The following NCOR2 variants were observed in gnomAD, a reference collection of about 807,000 sequenced individuals.
The protein encoded by NCOR2 is nuclear receptor corepressor 2, also known as CTG repeat protein 26.
A neutral mutation model predicts 262.9 loss-of-function variants in NCOR2; 81 were observed. The observed-to-expected ratio is 0.31, with a 90% confidence interval of 0.26 to 0.37. The LOEUF is 0.37. Among genes scored for constraint, NCOR2 ranks in the 10% least tolerant of loss-of-function variants. NCOR2 has a pLI of 1.00. For missense variants in NCOR2, 3,385 were observed against 3,621.4 expected, an observed-to-expected ratio of 0.93 and a Z score of 1.68; for synonymous variants, 1,659 against 1,559.3, an observed-to-expected ratio of 1.06 and a Z score of -1.51.
At position 124,428,044 on chromosome 12, in the gene NCOR2, A is replaced by T. The variant is rs868158144; in HGVS notation, c.1150-1244T>A. Among the ~76,000 whole-genome samples the T allele has an allele frequency of 4.2e-3, 469 of 112,492 alleles. 4 individuals carry two copies. Among genetic ancestry groups the T allele is most frequent in the Middle Eastern group, 9.3e-3 (2 of 216 alleles). 73.8% of individuals were successfully genotyped at this position (112,492 alleles called of 152,430 possible). A position where few individuals can be genotyped will look rare whatever the true frequency, so the allele number is the denominator to read the frequency against. The stretch of plus-strand genomic sequence containing the variant: ...CTGATGACTGCATTCCCATGTGGCC[A>T]GTGTGTGTGTGTGTGTGTGTGTGTG... On this transcript the variant is annotated intron_variant, in intron 10 of 46. Transcript: ENST00000405201.
intron 8 of NCOR2, 46 bp from the exon 11 acceptor site, chr12:124,430,833 C>T (rs755494267): frequency 3.2e-6 from 5 of 1,548,880 alleles, no homozygotes; most frequent in East Asian, 2.3e-5. Flanking sequence ...CTGCACCTGG[C>T]ACCCGCCGCC....
intron 25 of NCOR2, 43 bp downstream of exon 27, chr12:124,354,794 A>G (rs773215792): frequency 1.3e-6 from 2 of 1,577,344 alleles, no homozygotes; most frequent in South Asian, 1.1e-5. Flanking sequence ...GGACAGCCAG[A>G]GCCCAGCCTG....
intron 13 of NCOR2, among the ~76,000 whole-genome samples, chr12:124,404,979 C>T (rs543637782): frequency 1.5e-4 from 23 of 152,352 alleles, no homozygotes; most frequent in African/African-American, 4.6e-4. Context: ...CAAAGGCTGA[C>T]GGCCCAGAGT....
In NCOR2 at chr12:124,441,973, C is replaced by T. The variant is rs564814592; in HGVS notation, c.816-3977G>A. 1.3e-3 allele frequency among the ~76,000 whole-genome samples: 192 copies of T among 152,298 alleles called. 1 individual carries two copies. The highest frequency in any genetic ancestry group is 6.8e-3 in the Middle Eastern group (2 of 294). ...ACAAGGCAAGGCTGAGAAGCCGTCA[C>T]GGGCTGGAGACTAAAGAGACACGAG... On this transcript the variant is annotated intron_variant, in intron 7 of 46. Coordinates refer to ENST00000405201, the Ensembl canonical transcript of NCOR2.
exon 33 of NCOR2, chr12:124,343,103 T>C (rs775894352): frequency 3.1e-6 from 5 of 1,612,350 alleles, no homozygotes; most frequent in African/African-American, 1.3e-5. Context: ...CCGAAGCAGG[T>C]GCTCATAGGG....
chr12:124,377,254 C>A (rs2040075896), intron 18 of NCOR2, among the ~76,000 whole-genome samples: 1 of 152,186 alleles, frequency 6.6e-6, no homozygotes, highest in African/African-American at 2.4e-5. Flanking sequence ...TACGCCCTCT[C>A]TTCAGCAGCA....
intron 1 of NCOR2, among the ~76,000 whole-genome samples, chr12:124,565,588 T>C (rs2052212401): frequency 1.3e-5 from 2 of 151,220 alleles, no homozygotes; most frequent in Admixed American, 6.6e-5. Flanking sequence ...TGGCCCCTTT[T>C]CACAGGGCTT....
In NCOR2 at chr12:124,360,797, C is replaced by T. The variant is rs1459613277; in HGVS notation, c.3100+1329G>A. ...GAGCTCCCACTGCGGGGCTGCTTCC[C>T]ACTCCACAGGGTCCTTCCCGGAGCC... On this transcript the variant is annotated intron_variant, in intron 22 of 46. Transcript: ENST00000405201. Among the ~76,000 whole-genome samples the T allele has an allele frequency of 2.8e-5, 4 of 142,752 alleles. No individual in the cohort carries two copies. The Admixed American group carries it at 3.0e-4, about 11-fold the overall frequency. 93.7% of individuals were successfully genotyped at this position (142,752 alleles called of 152,430 possible).
chr12:124,514,190 T>A (rs115237757), intron 1 of NCOR2: 1 of 152,180 alleles, frequency 6.6e-6, no homozygotes, highest in Admixed American at 6.6e-5. Flanking sequence ...ATGAGTGGGA[T>A]TGGTGCCCCC....
At chr12:124,515,786 G>A (rs562781114) in intron 1 of NCOR2, among the ~76,000 whole-genome samples, 1 of 151,962 alleles carries the variant, frequency 6.6e-6, no homozygotes, top group African/African-American at 2.4e-5. Flanking sequence ...GCATGTATGT[G>A]TGTGCATGTG....
chr12:124,337,146 C>A, exon 38 of NCOR2: 2 of 1,518,754 alleles, frequency 1.3e-6, no homozygotes, highest in South Asian at 2.6e-5. Flanking sequence ...GGGAATGTGG[C>A]AGCCGGGCGA....
intron 1 of NCOR2, among the ~76,000 whole-genome samples, chr12:124,545,064 C>A (rs2051497735): frequency 6.6e-6 from 1 of 152,136 alleles, no homozygotes; most frequent in Non-Finnish European, 1.5e-5. Context: ...AAATTTACAA[C>A]CTGGCACCCA....
intron 19 of NCOR2, 98 bp downstream of exon 21, chr12:124,374,315 A>G (rs1296034787): frequency 3.3e-6 from 4 of 1,227,378 alleles, no homozygotes; most frequent in Non-Finnish European, 4.7e-6. Flanking sequence ...AGAAAGAGGC[A>G]TGTGCTCAGA....
At chr12:124,415,335 A>C (rs1794945) in intron 13 of NCOR2, among the ~76,000 whole-genome samples, 141,416 of 152,332 alleles carry the variant, frequency 0.93, 65,912 homozygotes, top group Non-Finnish European at 0.97. Flanking sequence ...CTCCACAAAT[A>C]CAGCCACAGA....
intron 1 of NCOR2, among the ~76,000 whole-genome samples, chr12:124,545,768 G>A (rs1594049516): frequency 6.6e-6 from 1 of 152,084 alleles, no homozygotes; most frequent in East Asian, 1.9e-4. Flanking sequence ...CCCCGTGCTG[G>A]GAAGTTCTTG....
intron 15 of NCOR2, among the ~76,000 whole-genome samples, chr12:124,400,239 T>C (rs1413101810): frequency 6.6e-6 from 1 of 152,146 alleles, no homozygotes; most frequent in African/African-American, 2.4e-5. Flanking sequence ...AGCAAGTGAC[T>C]ACAACTGTCC....
chr12:124,359,210 C>T (rs115097083), intron 22 of NCOR2, among the ~76,000 whole-genome samples: 2,804 of 152,302 alleles, frequency 0.018, 90 homozygotes, highest in African/African-American at 0.064. Flanking sequence ...GGAGAGATAA[C>T]CGGCCAAGAA....
chr12:124,327,671 G>T lies in NCOR2; in HGVS notation c.6959-38C>A, dbSNP rs543913660. On this transcript the variant is annotated intron_variant, in intron 44 of 46. Transcript: ENST00000405201. ...GACAGACAGACAGACAGACACATGG[G>T]GGCCGGGGAGGGGGAGCCAGAGGGG... 1.2e-5 allele frequency: 18 copies of T among 1,516,864 alleles called. 1 individual carries two copies. The African/African-American group carries it at 2.2e-4, about 18-fold the overall frequency. The allele number at this position is 1,516,864 out of a possible 1,614,324, so 94.0% of individuals were successfully genotyped here. A position where few individuals can be genotyped will look rare whatever the true frequency, so the allele number is the denominator to read the frequency against.
In NCOR2 at chr12:124,548,473, G is replaced by A. The variant is rs550682911; in HGVS notation, c.-164-12862C>T. 5.3e-5 allele frequency among the ~76,000 whole-genome samples: 8 copies of A among 152,242 alleles called. No homozygotes were observed. The highest frequency in any genetic ancestry group is 1.7e-4 in the African/African-American group (7 of 41,552). ...ACTGCAGTCGTCCAAGCCAGACGGC[G>A]ACAGAGTGGGGGTCCATCATGGTGC... On this transcript the variant is annotated intron_variant, in intron 1 of 32. Transcript: ENST00000458234. This position sits in a 1 kb window ranked among gnomAD's most constrained non-coding sequence, Gnocchi z 5.1.
Sources: gnomAD v4.1 joint callset for allele counts (sites outside exome capture counted in the v4.1 genomes callset) on GRCh38, gnomAD v4.1.1 for gene constraint, Gnocchi (gnomAD v3.1) non-coding constraint, MANE v1.5 for transcripts, NCBI Gene and HGNC (gene_info 2026-07-23, HGNC 2026-07-21) for gene names.